The following GOLGA8B variants were observed in gnomAD, a reference collection of about 807,000 sequenced individuals.
GOLGA8B encodes golgin subfamily A member 8B.
GOLGA8B carries 1 observed loss-of-function variant against 15.6 expected under a neutral mutation model. That is an observed-to-expected ratio of 0.06 (90% confidence interval 0.02 to 0.30). The LOEUF is 0.30. Ranked by LOEUF, GOLGA8B falls within the 10% of genes least tolerant of loss-of-function variation. The pLI is 1.00. For missense variants in GOLGA8B, 17 were observed against 201.3 expected (o/e 0.08, Z 5.54); for synonymous variants, 9 against 80.3 (o/e 0.11, Z 4.75).
intron 1 of GOLGA8B, among the ~76,000 whole-genome samples, chr15:34,573,536 C>CAAAAA (rs60984933): frequency 5.8e-5 from 5 of 86,842 alleles, no homozygotes; most frequent in South Asian, 4.0e-4. Context: ...GACTCCGTCT[C>CAAAAA]AAAAAAAAAA....
intron 1 of GOLGA8B, among the ~76,000 whole-genome samples, chr15:34,571,934 C>T (rs1233665827): frequency 6.6e-6 from 1 of 152,034 alleles, no homozygotes; most frequent in Non-Finnish European, 1.5e-5. Context: ...TGAGGAATAA[C>T]CCTGTGTACC....
At chr15:34,567,911 C>T (rs564017084) in intron 1 of GOLGA8B, among the ~76,000 whole-genome samples, 7 of 151,576 alleles carry the variant, frequency 4.6e-5, no homozygotes, top group African/African-American at 1.5e-4. Flanking sequence ...CCACTTACCC[C>T]TTTTTCATCA....
At chr15:34,570,189 C>G (rs973446114) in intron 1 of GOLGA8B, among the ~76,000 whole-genome samples, 7 of 151,856 alleles carry the variant, frequency 4.6e-5, no homozygotes, top group African/African-American at 1.7e-4. Flanking sequence ...AGCTTGCTGG[C>G]ATGGGTCCCA....
At chr15:34,567,601 G>C (rs1231434213) in intron 1 of GOLGA8B, among the ~76,000 whole-genome samples, 1 of 151,700 alleles carries the variant, frequency 6.6e-6, no homozygotes, top group Non-Finnish European at 1.5e-5. Context: ...TGTCATTGCA[G>C]CCCATCTCCA....
chr15:34,553,970 T>C lies in GOLGA8B; in HGVS notation c.-1122-14A>G, dbSNP rs1484009601. 1.3e-5 allele frequency: 1 copy of C among 77,172 alleles called. No homozygotes were observed. Among genetic ancestry groups the C allele is most frequent in the African/African-American group, 5.3e-5 (1 of 18,800 alleles). The allele number at this position is 77,172 out of a possible 1,614,324, so 4.8% of individuals were successfully genotyped here. On this transcript the variant is annotated splice_polypyrimidine_tract_variant and intron_variant, in intron 1 of 23. Transcript: ENST00000683415. Reference sequence around the variant, plus strand: ...ATCTCAGTAGAGCTGTTAAATTAAATAGATGTTGCTTAAGCCATTCAGAAA... The same window carrying C: ...ATCTCAGTAGAGCTGTTAAATTAAACAGATGTTGCTTAAGCCATTCAGAAA...
intron 1 of GOLGA8B, among the ~76,000 whole-genome samples, chr15:34,575,614 C>T (rs1365152150): frequency 6.6e-6 from 1 of 152,060 alleles, no homozygotes; most frequent in Admixed American, 6.5e-5. Context: ...CCTCCCTATG[C>T]CCAGGGTGCC....
intron 1 of GOLGA8B, among the ~76,000 whole-genome samples, chr15:34,576,134 A>G (rs745705744): frequency 6.6e-6 from 1 of 152,192 alleles, no homozygotes; most frequent in East Asian, 1.9e-4. Context: ...TGTGATGGAT[A>G]AAAGGAGCAA....
At chr15:34,574,131 T>C (rs1336442611) in intron 1 of GOLGA8B, among the ~76,000 whole-genome samples, 1 of 152,120 alleles carries the variant, frequency 6.6e-6, no homozygotes, top group African/African-American at 2.4e-5. Context: ...CACTGCCCGG[T>C]GTGTCATGGG....
chr15:34,580,942 G>C (rs1284541334), intron 1 of GOLGA8B, among the ~76,000 whole-genome samples: 2 of 152,204 alleles, frequency 1.3e-5, no homozygotes, highest in Admixed American at 6.5e-5. Flanking sequence ...ACTGAGACTG[G>C]GTTGAGGACA....
chr15:34,583,307 C>T (rs1474296700), intron 1 of GOLGA8B, among the ~76,000 whole-genome samples: 3 of 152,082 alleles, frequency 2.0e-5, no homozygotes, highest in African/African-American at 7.2e-5. Flanking sequence ...GAGGATGGGC[C>T]GGTCCGAGAG....
chr15:34,571,922 A>T (rs1888925094), intron 1 of GOLGA8B, among the ~76,000 whole-genome samples: 1 of 152,172 alleles, frequency 6.6e-6, no homozygotes, highest in Non-Finnish European at 1.5e-5. Flanking sequence ...ATATATAGAA[A>T]ATGAGGAATA....
chr15:34,542,796 CAT>C (rs1197266956), intron 7 of GOLGA8B, among the ~76,000 whole-genome samples: 3 of 129,352 alleles, frequency 2.3e-5, no homozygotes, highest in African/African-American at 9.5e-5. Flanking sequence ...TTCACATCCT[CAT>C]AGTTTCAATA....
At chr15:34,571,072 T>A (rs1212190501) in intron 1 of GOLGA8B, among the ~76,000 whole-genome samples, 1 of 148,258 alleles carries the variant, frequency 6.7e-6, no homozygotes, top group Non-Finnish European at 1.5e-5. Context: ...ATGCCTGTAA[T>A]CCCAGAACTT....
At chr15:34,578,323 C>T (rs539098675) in intron 1 of GOLGA8B, among the ~76,000 whole-genome samples, 1 of 152,204 alleles carries the variant, frequency 6.6e-6, no homozygotes, top group Non-Finnish European at 1.5e-5. Context: ...GAAGAGCTCA[C>T]GTCATCTGTG....
chr15:34,572,185 T>C (rs1265142913), intron 1 of GOLGA8B, among the ~76,000 whole-genome samples: 1 of 152,196 alleles, frequency 6.6e-6, no homozygotes, highest in African/African-American at 2.4e-5. Context: ...AGAGTGTCAG[T>C]GGGGACACCG....
At chr15:34,576,273 C>T (rs1889079390) in intron 1 of GOLGA8B, among the ~76,000 whole-genome samples, 2 of 152,194 alleles carry the variant, frequency 1.3e-5, no homozygotes, top group Admixed American at 6.5e-5. Flanking sequence ...CTAGGTGTAT[C>T]AAATCAACTG....
In GOLGA8B at chr15:34,526,673, G is replaced by A. The variant is rs992712585; in HGVS notation, c.*959C>T. The stretch of plus-strand genomic sequence containing the variant: ...GCCAACCAGCGCCCTTTCGTGTACT[G>A]GGACAGGTAGTCATGTGATTAAAAC... On this transcript the variant is annotated 3_prime_UTR_variant, in exon 24 of 24. Transcript: ENST00000683415. 6.7e-6 allele frequency: 1 copy of A among 149,266 alleles called. No homozygotes were observed. Among genetic ancestry groups the A allele is most frequent in the African/African-American group, 2.5e-5 (1 of 40,442 alleles). The allele number at this position is 149,266 out of a possible 1,614,324, so 9.2% of individuals were successfully genotyped here.
chr15:34,567,099 T>C (rs566277146), intron 1 of GOLGA8B, among the ~76,000 whole-genome samples: 2 of 123,110 alleles, frequency 1.6e-5, no homozygotes, highest in Non-Finnish European at 3.5e-5. Context: ...CTCTACCCTT[T>C]CCAAGCATTG....
At chr15:34,556,757 GA>G (rs1307605966) in intron 1 of GOLGA8B, 1 of 1,179,346 alleles carries the variant, frequency 8.5e-7, no homozygotes, top group Non-Finnish European at 1.2e-6. Flanking sequence ...GAGACCCCCA[GA>G]GAGGCTTCAA....
Sources: allele counts gnomAD v4.1 joint callset (sites outside exome capture counted in the v4.1 genomes callset), GRCh38; gene constraint gnomAD v4.1.1; transcripts MANE v1.5; gene names NCBI Gene and HGNC (gene_info 2026-07-23, HGNC 2026-07-21).